Variants in SIK3 observed in about 807,000 individuals in gnomAD.
The protein encoded by SIK3 is SIK family kinase 3, also known as serine/threonine-protein kinase SIK3.
SIK3 carries 28 observed loss-of-function variants against 144.2 expected under a neutral mutation model. The ratio of observed to expected loss-of-function variants is 0.19; its 90% confidence interval spans 0.14 to 0.27. SIK3 has a LOEUF of 0.27. Ranked by LOEUF, SIK3 falls within the 10% of genes least tolerant of loss-of-function variation. SIK3 has a pLI of 1.00. For synonymous variants in SIK3, 686 were observed against 676.3 expected, an observed-to-expected ratio of 1.01 and a Z score of -0.22; for missense variants, 1,319 against 1,776.0, an observed-to-expected ratio of 0.74 and a Z score of 4.62.
At chr11:117,078,742 G>T (rs1474160598) in intron 1 of SIK3, among the ~76,000 whole-genome samples, 1 of 152,214 alleles carries the variant, frequency 6.6e-6, no homozygotes, top group East Asian at 1.9e-4. Flanking sequence ...AATTAAAATT[G>T]TCATATTTTT....
intron 6 of SIK3, among the ~76,000 whole-genome samples, chr11:116,889,661 C>T (rs1437583991): frequency 6.6e-6 from 1 of 152,130 alleles, no homozygotes; most frequent in Non-Finnish European, 1.5e-5. Flanking sequence ...TTTGGGAGGC[C>T]GTGGTGGGCG....
chr11:117,027,559 T>A (rs1306833071), intron 1 of SIK3, among the ~76,000 whole-genome samples: 5 of 151,976 alleles, frequency 3.3e-5, no homozygotes, highest in Non-Finnish European at 7.4e-5. Context: ...ACCTTCCAGG[T>A]TCAAGCAATC....
chr11:116,886,825 C>G (rs1442560627), intron 6 of SIK3, among the ~76,000 whole-genome samples: 2 of 152,140 alleles, frequency 1.3e-5, no homozygotes, highest in African/African-American at 2.4e-5. Context: ...AAGGGCAGAT[C>G]AGAGGAAATA....
At chr11:117,082,694 G>A (rs753068792) in intron 1 of SIK3, among the ~76,000 whole-genome samples, 6 of 152,168 alleles carry the variant, frequency 3.9e-5, no homozygotes, top group Non-Finnish European at 8.8e-5. Context: ...GTTCTAAAAT[G>A]TATTATAGTG....
intron 1 of SIK3, among the ~76,000 whole-genome samples, chr11:117,071,926 G>C (rs905190134): frequency 2.7e-5 from 4 of 150,550 alleles, no homozygotes; most frequent in Non-Finnish European, 4.4e-5. Context: ...GCCAAGAGTT[G>C]TGTTTGTTTG....
chr11:117,009,519 T>C (rs1262481753), intron 1 of SIK3, among the ~76,000 whole-genome samples: 1 of 148,334 alleles, frequency 6.7e-6, no homozygotes, highest in Non-Finnish European at 1.5e-5. Context: ...ATGACAGCAC[T>C]GCTGCACTCC....
In SIK3 at chr11:116,949,874, T is replaced by C. The variant is rs548943579; in HGVS notation, c.454+4170A>G. The stretch of plus-strand genomic sequence containing the variant: ...GAAGTCAGTTCCTTTGGGAAGAAAT[T>C]AGGAGCTGTTTTATGGTTTGTTTTT... On this transcript the variant is annotated intron_variant, in intron 3 of 24. Transcript: ENST00000445177. Among the ~76,000 whole-genome samples, 5 of 152,268 alleles carry C rather than the reference T, an allele frequency of 3.3e-5. No homozygotes were observed. In the East Asian group the frequency reaches 9.7e-4, roughly 29 times the overall value.
chr11:116,876,652 G>A (rs1294978099), intron 7 of SIK3, among the ~76,000 whole-genome samples: 2 of 152,216 alleles, frequency 1.3e-5, no homozygotes, highest in African/African-American at 4.8e-5. Context: ...CATCCCCATG[G>A]TAGGTAAGCT....
chr11:116,940,103 A>G (rs1449339530), intron 3 of SIK3, among the ~76,000 whole-genome samples: 1 of 152,228 alleles, frequency 6.6e-6, no homozygotes, highest in African/African-American at 2.4e-5. Context: ...TATTGAATTT[A>G]CTTTACCTAA....
At chr11:117,062,016 AT>A (rs531727500) in intron 1 of SIK3, among the ~76,000 whole-genome samples, 132 of 147,440 alleles carry the variant, frequency 9.0e-4, no homozygotes, top group Non-Finnish European at 7.7e-4. Context: ...TTGGGTATAG[AT>A]TTTTTTTTTT....
At chr11:117,082,785 T>C (rs1168443353) in intron 1 of SIK3, among the ~76,000 whole-genome samples, 2 of 151,970 alleles carry the variant, frequency 1.3e-5, no homozygotes, top group Non-Finnish European at 2.9e-5. Context: ...AATAAAGCAG[T>C]TGAAAAAATT....
At chr11:116,847,692 G>A in intron 22 of SIK3, 84 bp from the exon 23 acceptor site, 1 of 1,582,808 alleles carries the variant, frequency 6.3e-7, no homozygotes, top group Non-Finnish European at 8.6e-7. Flanking sequence ...CCTTCTGAAG[G>A]AGCCCAGGCA....
intron 1 of SIK3, among the ~76,000 whole-genome samples, chr11:117,027,580 A>G (rs1011166860): frequency 1.3e-5 from 2 of 152,042 alleles, no homozygotes; most frequent in African/African-American, 4.8e-5. Context: ...CTCCTGTCTC[A>G]GCCTCCCGAG....
chr11:116,975,024 T>A (rs759328767), intron 1 of SIK3, among the ~76,000 whole-genome samples: 3 of 152,192 alleles, frequency 2.0e-5, no homozygotes, highest in Non-Finnish European at 4.4e-5. Flanking sequence ...CTGTTGATCT[T>A]CTGTTAAAGA....
intron 1 of SIK3, among the ~76,000 whole-genome samples, chr11:116,959,164 T>C (rs1949250941): frequency 6.6e-6 from 1 of 152,098 alleles, no homozygotes; most frequent in Non-Finnish European, 1.5e-5. Context: ...ACCCCATCTC[T>C]ACTAAAAAAC....
intron 1 of SIK3, among the ~76,000 whole-genome samples, chr11:116,965,832 G>C (rs2921655): frequency 0.054 from 7,912 of 146,260 alleles, 479 homozygotes; most frequent in African/African-American, 0.14. Context: ...CTACTTGGGA[G>C]ACTAAGGCAG....
intron 3 of SIK3, among the ~76,000 whole-genome samples, chr11:116,942,345 C>T (rs1038534809): frequency 6.6e-6 from 1 of 152,132 alleles, no homozygotes. Context: ...TTTTATTCAA[C>T]TTATCAATAA....
chr11:116,997,825 A>G (rs1159160008), intron 1 of SIK3, among the ~76,000 whole-genome samples: 3 of 152,260 alleles, frequency 2.0e-5, no homozygotes, highest in African/African-American at 4.8e-5. Flanking sequence ...CAAAAACGGC[A>G]CAAGAGTGCC....
intron 1 of SIK3, among the ~76,000 whole-genome samples, chr11:116,989,542 A>G (rs1950431403): frequency 6.6e-6 from 1 of 151,642 alleles, no homozygotes; most frequent in Non-Finnish European, 1.5e-5. Context: ...ATACAGTATC[A>G]GTAAAATCCT....
Sources: allele counts gnomAD v4.1 joint callset (sites outside exome capture counted in the v4.1 genomes callset), GRCh38; gene constraint gnomAD v4.1.1; transcripts MANE v1.5; gene names NCBI Gene and HGNC (gene_info 2026-07-23, HGNC 2026-07-21).